Variants in RELN observed in about 807,000 individuals in gnomAD.
RELN encodes the protein reelin.
RELN carries 108 observed loss-of-function variants against 427.6 expected under a neutral mutation model. The observed-to-expected ratio is 0.25, with a 90% confidence interval of 0.22 to 0.30. The LOEUF is 0.30. RELN is among the 10% of genes least tolerant of loss of function. The pLI is 1.00. For synonymous variants in RELN, 1,524 were observed against 1,513.4 expected (o/e 1.01, Z -0.16); for missense variants, 3,715 against 4,302.8 (o/e 0.86, Z 3.82).
At position 103,701,632 on chromosome 7, in the gene RELN, A is replaced by G. The variant is rs546339038; in HGVS notation, c.806-626T>C. Among the ~76,000 whole-genome samples the G allele has an allele frequency of 7.7e-4, 117 of 152,308 alleles. 1 individual carries two copies. The highest frequency in any genetic ancestry group is 2.7e-3 in the African/African-American group (111 of 41,570). ...CATTATTATTTTCAATAGTGGAAAT[A>G]CTAGCATCAAAGAAAAATTTTAAGC... On this transcript the variant is annotated intron_variant, in intron 8 of 64. Transcript: ENST00000428762.
intron 2 of RELN, among the ~76,000 whole-genome samples, chr7:103,838,622 A>T (rs39379): frequency 6.6e-6 from 1 of 151,976 alleles, no homozygotes; most frequent in Non-Finnish European, 1.5e-5. Context: ...AGCAGGGATC[A>T]GGTGTATGGA....
intron 51 of RELN, chr7:103,504,426 C>T (rs573775155): frequency 1.3e-5 from 2 of 152,300 alleles, no homozygotes; most frequent in Admixed American, 6.5e-5. Context: ...AGCAGGAACA[C>T]ATTTACTCTT....
chr7:103,935,178 A>G (rs772921920), intron 1 of RELN, among the ~76,000 whole-genome samples: 1 of 152,196 alleles, frequency 6.6e-6, no homozygotes, highest in Non-Finnish European at 1.5e-5. Context: ...GTCTGTAATC[A>G]TATTTTGTAA....
chr7:103,791,990 T>C (rs1792173823), intron 3 of RELN, among the ~76,000 whole-genome samples: 1 of 152,136 alleles, frequency 6.6e-6, no homozygotes, highest in Non-Finnish European at 1.5e-5. Flanking sequence ...TCAACATCAT[T>C]AATATTAGGG....
chr7:103,718,374 A>T (rs956452482), intron 8 of RELN, among the ~76,000 whole-genome samples: 3 of 151,768 alleles, frequency 2.0e-5, no homozygotes, highest in Non-Finnish European at 4.4e-5. Flanking sequence ...CAAAAATAAA[A>T]CCCGAATGTT....
At chr7:103,869,590 T>C (rs919661436) in intron 2 of RELN, among the ~76,000 whole-genome samples, 13 of 152,242 alleles carry the variant, frequency 8.5e-5, no homozygotes, top group Non-Finnish European at 1.6e-4. Context: ...TGTCACCAAG[T>C]GTCCTGGCTT....
intron 1 of RELN, among the ~76,000 whole-genome samples, chr7:103,921,447 A>G (rs185559365): frequency 2.6e-5 from 4 of 152,240 alleles, no homozygotes; most frequent in Admixed American, 2.0e-4. Flanking sequence ...GTCAATTTTT[A>G]TATCTTTCAT....
intron 62 of RELN, 101 bp downstream of exon 62, chr7:103,483,552 G>C (rs1028176890): frequency 4.5e-5 from 53 of 1,177,520 alleles, no homozygotes; most frequent in Non-Finnish European, 6.5e-5. Context: ...TGTGGCATTG[G>C]TGCATTAACT....
At position 103,629,862 on chromosome 7, in the gene RELN, G is replaced by A. The variant is rs1054998405; in HGVS notation, c.2702+78C>T. The A allele has an allele frequency of 4.3e-6, 4 of 936,040 alleles. No homozygotes were observed. In the Admixed American group the frequency reaches 6.8e-5, roughly 16 times the overall value. 58.0% of individuals were successfully genotyped at this position (936,040 alleles called of 1,614,324 possible). A position where few individuals can be genotyped will look rare whatever the true frequency, so the allele number is the denominator to read the frequency against. On this transcript the variant is annotated intron_variant, in intron 20 of 64. Transcript: ENST00000428762. ...AATACTTGTCAACAAATGACTAAAT[G>A]CTGAATAGACTGGAAGATCATCCTC...
intron 22 of RELN, among the ~76,000 whole-genome samples, chr7:103,608,412 C>CT (rs901725351): frequency 8.8e-5 from 13 of 148,270 alleles, no homozygotes; most frequent in Admixed American, 1.4e-4. Context: ...AATATTTTCA[C>CT]TTTTTTTTTT....
chr7:103,846,853 A>G (rs192265607), intron 2 of RELN, among the ~76,000 whole-genome samples: 26 of 150,066 alleles, frequency 1.7e-4, no homozygotes, highest in African/African-American at 6.4e-4. Context: ...CAGAAATGCA[A>G]ATCAAAGCCA....
rs754259256 is a variant in RELN at position 103,489,938 on chromosome 7, T to G, written c.9606-39A>C. The stretch of plus-strand genomic sequence containing the variant: ...AGAGAGCAGAAGGGATTCAGTAGGT[T>G]GTTACTTCCATGGCTGCATCCTGCC... On this transcript the variant is annotated intron_variant, in intron 59 of 64. Transcript: ENST00000428762. 1.9e-6 allele frequency: 3 copies of G among 1,612,486 alleles called. No homozygotes were observed. The East Asian group carries it at 6.7e-5, about 36-fold the overall frequency.
chr7:103,483,698 G>A lies in RELN; in HGVS notation c.10136C>T (p.Pro3379Leu). Residue 3379 changes from proline to leucine, a missense_variant, in exon 62 of 65, where the codon CCA becomes CTA. Pro to Leu is a moderately conservative substitution (Grantham distance 98, BLOSUM62 -3). Around this residue, in one of 4 missense-constraint regions of RELN, gnomAD observed 195 missense variants for 281.3 expected, o/e 0.69. Transcript: ENST00000428762. ...TCTCTGAGCTTGTGTGAAGTCCTTT[G>A]GCTGGTGCTGGGCGATGACATGCCA... ...ITWHVIAQHQPKDFTQAQRVS... is the reference protein window; with the variant it reads ...ITWHVIAQHQLKDFTQAQRVS... 1 of 1,614,184 alleles carries A rather than the reference G, an allele frequency of 6.2e-7. No homozygotes were observed. Among genetic ancestry groups the A allele is most frequent in the Non-Finnish European group, 8.5e-7 (1 of 1,180,036 alleles).
At chr7:103,899,238 C>T (rs1350217910) in intron 2 of RELN, among the ~76,000 whole-genome samples, 1 of 152,010 alleles carries the variant, frequency 6.6e-6, no homozygotes. Context: ...CAAGACTAAA[C>T]CAGGAAGAAG....
rs369856463 is a variant in RELN at position 103,497,847 on chromosome 7, C to A, written c.8923G>T (p.Val2975Leu). Residue 2975 changes from valine (V) to leucine (L), a missense_variant, in exon 55 of 65, where the codon GTG (valine) becomes TTG (leucine). Transcript: ENST00000428762. Reference sequence around the variant, plus strand: ...CCATCGGTAGAGTAGTCCAACAGCACGCCTTCCTTCCGGCAGATGGGACGA... The same window carrying A: ...CCATCGGTAGAGTAGTCCAACAGCAAGCCTTCCTTCCGGCAGATGGGACGA... Reference protein sequence around the residue: ...CHRPICRKEGVLLDYSTDGGI... With the variant: ...CHRPICRKEGLLLDYSTDGGI... 6.2e-7 allele frequency: 1 copy of A among 1,614,100 alleles called. No individual in the cohort carries two copies. Among genetic ancestry groups the A allele is most frequent in the Non-Finnish European group, 8.5e-7 (1 of 1,179,984 alleles).
intron 3 of RELN, among the ~76,000 whole-genome samples, chr7:103,801,480 A>G (rs148144887): frequency 4.5e-4 from 69 of 152,196 alleles, no homozygotes; most frequent in Middle Eastern, 3.4e-3. Flanking sequence ...TATCACAAGG[A>G]CAGAAAACTA....
chr7:103,958,426 T>C (rs1247398412), intron 1 of RELN, among the ~76,000 whole-genome samples: 1 of 152,198 alleles, frequency 6.6e-6, no homozygotes, highest in Admixed American at 6.5e-5. Flanking sequence ...TGTACTGTGG[T>C]GTGCTTCTGA....
intron 48 of RELN, among the ~76,000 whole-genome samples, chr7:103,520,356 A>C (rs753396464): frequency 6.6e-6 from 1 of 151,992 alleles, no homozygotes; most frequent in African/African-American, 2.4e-5. Context: ...GCTCACTGCA[A>C]CCTCCATCTC....
chr7:103,691,567 C>T (rs1833870948), intron 10 of RELN, among the ~76,000 whole-genome samples: 2 of 152,110 alleles, frequency 1.3e-5, no homozygotes, highest in South Asian at 2.1e-4. Context: ...AATCCCAGCA[C>T]TTTAAGAGGC....
Sources: allele counts gnomAD v4.1 joint callset (sites outside exome capture counted in the v4.1 genomes callset), GRCh38; gene constraint gnomAD v4.1.1; regional missense constraint gnomAD v4.1.1; transcripts MANE v1.5; gene names NCBI Gene and HGNC (gene_info 2026-07-23, HGNC 2026-07-21).